ANK2: variants seen among roughly 807,000 people sequenced by gnomAD.
The protein encoded by ANK2 is ankyrin-2.
In ANK2, 83 loss-of-function variants were observed where a neutral mutation model predicts 360.5. That is an observed-to-expected ratio of 0.23 (90% confidence interval 0.19 to 0.28). ANK2 has a LOEUF of 0.28. Ranked by LOEUF, ANK2 falls within the 10% of genes least tolerant of loss-of-function variation. The pLI, the probability that ANK2 is intolerant of heterozygous loss-of-function variation, is 1.00. For missense variants in ANK2, 4,201 were observed against 4,795.7 expected, an observed-to-expected ratio of 0.88 and a Z score of 3.66; for synonymous variants, 1,740 against 1,759.5, an observed-to-expected ratio of 0.99 and a Z score of 0.28.
chr4:112,933,202 G>T (rs769436253), intron 2 of ANK2, among the ~76,000 whole-genome samples: 1 of 152,128 alleles, frequency 6.6e-6, no homozygotes, highest in Non-Finnish European at 1.5e-5. Flanking sequence ...CCTGGAATTT[G>T]CTTTAAAATA....
intron 2 of ANK2, among the ~76,000 whole-genome samples, chr4:112,936,370 G>A (rs1231003472): frequency 6.6e-6 from 1 of 150,536 alleles, no homozygotes; most frequent in Non-Finnish European, 1.5e-5. Context: ...TTTTGAGATG[G>A]AGTCCCACTC....
intron 2 of ANK2, among the ~76,000 whole-genome samples, chr4:113,004,418 A>G (rs1156415996): frequency 1.3e-5 from 2 of 152,072 alleles, no homozygotes; most frequent in African/African-American, 4.8e-5. Flanking sequence ...ACAAAGACAC[A>G]AACACCCACA....
At chr4:112,805,453 C>A in the ANK2 span, among the ~76,000 whole-genome samples, 2 of 152,038 alleles carry the variant, frequency 1.3e-5, no homozygotes, top group African/African-American at 4.8e-5. Flanking sequence ...TCGCTATGCA[C>A]CAGGCACTGA....
At chr4:113,143,664 A>G (rs1353787024) in intron 1 of ANK2, among the ~76,000 whole-genome samples, 1 of 152,192 alleles carries the variant, frequency 6.6e-6, no homozygotes, top group African/African-American at 2.4e-5. Flanking sequence ...TTATATTCTG[A>G]ATAAAATAGT....
intron 1 of ANK2, among the ~76,000 whole-genome samples, chr4:112,863,001 G>A (rs1460758110): frequency 1.3e-5 from 2 of 152,272 alleles, no homozygotes; most frequent in African/African-American, 4.8e-5. Context: ...CCTTAGTGAT[G>A]AAGTAAAGTA....
At chr4:113,087,070 A>T (rs2085205147) in intron 1 of ANK2, among the ~76,000 whole-genome samples, 2 of 152,252 alleles carry the variant, frequency 1.3e-5, no homozygotes, top group East Asian at 3.8e-4. Flanking sequence ...ATGTATAAGC[A>T]AATAAGGAAC....
chr4:113,300,940 G>T (rs750436662), intron 22 of ANK2, among the ~76,000 whole-genome samples: 30 of 152,186 alleles, frequency 2.0e-4, no homozygotes, highest in Non-Finnish European at 1.9e-4. Flanking sequence ...TATATAGTCA[G>T]AGTTGCTCAG....
At chr4:112,754,961 C>T in the ANK2 span, among the ~76,000 whole-genome samples, 1 of 152,110 alleles carries the variant, frequency 6.6e-6, no homozygotes, top group Non-Finnish European at 1.5e-5. Context: ...CTCTTATATC[C>T]TAATAATCTA....
At chr4:112,890,617 G>A (rs546379942) in intron 1 of ANK2, among the ~76,000 whole-genome samples, 6 of 136,872 alleles carry the variant, frequency 4.4e-5, no homozygotes, top group Admixed American at 7.9e-5. Flanking sequence ...GCCCAGGCTG[G>A]AGTGCAATGG....
chr4:113,120,728 T>C (rs1044366074), intron 1 of ANK2, among the ~76,000 whole-genome samples: 1 of 152,130 alleles, frequency 6.6e-6, no homozygotes, highest in Admixed American at 6.6e-5. Flanking sequence ...CTGGTACCAA[T>C]TGGTGATTTT....
chr4:113,175,539 T>A (rs1438392878), intron 2 of ANK2, among the ~76,000 whole-genome samples: 1 of 152,190 alleles, frequency 6.6e-6, no homozygotes, highest in East Asian at 1.9e-4. Context: ...TTACATGAGC[T>A]CGGATCACCT....
intron 1 of ANK2, among the ~76,000 whole-genome samples, chr4:112,875,735 TTTTG>T (rs1250378767): frequency 1.3e-5 from 2 of 151,496 alleles, no homozygotes; most frequent in Non-Finnish European, 2.9e-5. Flanking sequence ...GTGTGTGGTT[TTTTG>T]TTTGTTTGTT....
At chr4:113,179,362 C>T (rs1040076432) in intron 2 of ANK2, among the ~76,000 whole-genome samples, 6 of 152,098 alleles carry the variant, frequency 3.9e-5, no homozygotes, top group Admixed American at 6.5e-5. Flanking sequence ...CATGTGTTGG[C>T]GTGCTAAGAT....
chr4:112,921,883 C>T (rs1207543830), intron 2 of ANK2, among the ~76,000 whole-genome samples: 1 of 152,136 alleles, frequency 6.6e-6, no homozygotes. Context: ...TGACAACTGA[C>T]AGGTACCAGA....
the ANK2 span, among the ~76,000 whole-genome samples, chr4:112,725,691 C>G: frequency 6.6e-6 from 1 of 152,030 alleles, no homozygotes; most frequent in African/African-American, 2.4e-5. Flanking sequence ...AAAAGCCAAC[C>G]ACGATTCCAA....
chr4:113,335,349 A>G (rs2093371932), intron 29 of ANK2, among the ~76,000 whole-genome samples: 1 of 151,542 alleles, frequency 6.6e-6, no homozygotes, highest in Admixed American at 6.6e-5. Context: ...TACTCTTCCA[A>G]GATAGATTTT....
chr4:112,999,432 ATTC>A (rs2049817736), intron 2 of ANK2, among the ~76,000 whole-genome samples: 1 of 152,166 alleles, frequency 6.6e-6, no homozygotes, highest in Non-Finnish European at 1.5e-5. Flanking sequence ...CTTACTGATG[ATTC>A]CCACAGCCAT....
intron 1 of ANK2, among the ~76,000 whole-genome samples, chr4:112,883,755 A>G (rs2077457109): frequency 6.6e-6 from 1 of 151,956 alleles, no homozygotes; most frequent in African/African-American, 2.4e-5. Flanking sequence ...ATGCAATCAG[A>G]GAAAGGCTGT....
At position 113,001,997 on chromosome 4, in the gene ANK2, G is replaced by A. The variant is rs760277541; in HGVS notation, c.21+97483G>A. On this transcript the variant is annotated intron_variant, in intron 2 of 30. Coordinates refer to the ANK2 transcript ENST00000503271. ...TCCACCTCCTAAGCATTGCTCATCC[G>A]TTTCTTTTATTTATTTATTTATTTA... Among the ~76,000 whole-genome samples the A allele has an allele frequency of 6.2e-5, 9 of 145,780 alleles. No individual in the cohort carries two copies. The South Asian group carries it at 7.0e-4, about 11-fold the overall frequency.
Sources: gnomAD v4.1 joint callset for allele counts (sites outside exome capture counted in the v4.1 genomes callset) on GRCh38, gnomAD v4.1.1 for gene constraint, MANE v1.5 for transcripts, NCBI Gene and HGNC (gene_info 2026-07-23, HGNC 2026-07-21) for gene names.